CFAP107: variants seen among roughly 807,000 people sequenced by gnomAD.
The protein encoded by CFAP107 is cilia- and flagella-associated protein 107.
chr1:12,754,940 T>C, the CFAP107 span, among the ~76,000 whole-genome samples: 1 of 152,330 alleles, frequency 6.6e-6, no homozygotes, highest in Non-Finnish European at 1.5e-5. Flanking sequence ...ATGGTGGTGA[T>C]GATTGCACAA....
the CFAP107 span, chr1:12,746,532 G>A: frequency 1.9e-6 from 3 of 1,611,190 alleles, no homozygotes; most frequent in Non-Finnish European, 2.5e-6. Flanking sequence ...GGATGGAAGA[G>A]AGGAGAAAGG....
At chr1:12,761,078 G>A in the CFAP107 span, 1 of 898,800 alleles carries the variant, frequency 1.1e-6, no homozygotes, top group Non-Finnish European at 1.6e-6. Context: ...GGTGCTCTCA[G>A]AATCATCATC....
At chr1:12,760,800 A>G in the CFAP107 span, 30 of 1,614,082 alleles carry the variant, frequency 1.9e-5, 1 homozygote, top group South Asian at 3.1e-4. Flanking sequence ...CTCTATGAGC[A>G]GCTCAAGCAG....
At chr1:12,759,513 T>C in the CFAP107 span, 1 of 1,613,660 alleles carries the variant, frequency 6.2e-7, no homozygotes, top group Non-Finnish European at 8.5e-7. Flanking sequence ...AGGGTATTCC[T>C]CTGCGTTGGT....
At chr1:12,750,486 A>C in the CFAP107 span, among the ~76,000 whole-genome samples, 1 of 152,208 alleles carries the variant, frequency 6.6e-6, no homozygotes, top group Non-Finnish European at 1.5e-5. Flanking sequence ...CCTACAAGAG[A>C]GTGACTATAG....
At chr1:12,750,931 T>C in the CFAP107 span, among the ~76,000 whole-genome samples, 1 of 151,432 alleles carries the variant, frequency 6.6e-6, no homozygotes, top group Non-Finnish European at 1.5e-5. Flanking sequence ...ATTATAAAGA[T>C]TAAAATCATA....
At chr1:12,762,280 T>C in the CFAP107 span, 30 of 144,342 alleles carry the variant, frequency 2.1e-4, no homozygotes, top group South Asian at 4.6e-4. Flanking sequence ...AAGTCCTCTA[T>C]GTTTGTTGGA....
At chr1:12,750,591 G>A in the CFAP107 span, among the ~76,000 whole-genome samples, 3 of 152,238 alleles carry the variant, frequency 2.0e-5, no homozygotes, top group South Asian at 2.1e-4. Context: ...AGTATCAGAC[G>A]AAGTAGGCTT....
At chr1:12,753,500 G>T in the CFAP107 span, 4 of 152,222 alleles carry the variant, frequency 2.6e-5, no homozygotes, top group South Asian at 6.2e-4. Flanking sequence ...AAGACAGTGT[G>T]ATACTGGCAT....
At chr1:12,749,214 T>C in the CFAP107 span, among the ~76,000 whole-genome samples, 7 of 152,196 alleles carry the variant, frequency 4.6e-5, no homozygotes, top group African/African-American at 7.2e-5. Flanking sequence ...GAGACCCTCA[T>C]TGAAGCACTT....
the CFAP107 span, chr1:12,760,735 A>G: frequency 1.9e-6 from 3 of 1,595,222 alleles, no homozygotes; most frequent in South Asian, 3.4e-5. Flanking sequence ...TCCTTCTGTA[A>G]GCCCCATTCA....
chr1:12,760,765 T>C, the CFAP107 span: 6 of 1,612,184 alleles, frequency 3.7e-6, no homozygotes, highest in East Asian at 1.3e-4. Context: ...TGGTTTCTCT[T>C]GCAGCTCCCC....
the CFAP107 span, among the ~76,000 whole-genome samples, chr1:12,760,044 G>C: frequency 6.6e-6 from 1 of 152,096 alleles, no homozygotes; most frequent in Admixed American, 6.5e-5. Context: ...TTGGAAAAGT[G>C]AGGGGTGGTC....
the CFAP107 span, chr1:12,746,549 A>G: frequency 3.8e-6 from 6 of 1,597,496 alleles, no homozygotes; most frequent in East Asian, 1.3e-4. Flanking sequence ...AAGGTAAGGA[A>G]ACGAGAGAGG....
the CFAP107 span, among the ~76,000 whole-genome samples, chr1:12,748,536 C>G: frequency 1.3e-5 from 2 of 151,014 alleles, no homozygotes; most frequent in Non-Finnish European, 2.9e-5. Context: ...ATATTTTAAG[C>G]CTTCATGTTG....
At chr1:12,747,052 T>C in the CFAP107 span, among the ~76,000 whole-genome samples, 1 of 151,080 alleles carries the variant, frequency 6.6e-6, no homozygotes, top group Non-Finnish European at 1.5e-5. Flanking sequence ...CCTGCCCTAC[T>C]AATGCATTTC....
At chr1:12,750,044 G>C in the CFAP107 span, among the ~76,000 whole-genome samples, 19 of 152,266 alleles carry the variant, frequency 1.2e-4, no homozygotes, top group East Asian at 3.3e-3. Context: ...ATAAATCTAT[G>C]TAAATGAGTC....
At chr1:12,746,500 A>G in the CFAP107 span, 2 of 1,613,598 alleles carry the variant, frequency 1.2e-6, no homozygotes, top group African/African-American at 2.7e-5. Context: ...CAAGTATTCA[A>G]CGAAAGTGCT....
chr1:12,746,923 G>A, the CFAP107 span, among the ~76,000 whole-genome samples: 1 of 151,912 alleles, frequency 6.6e-6, no homozygotes, highest in Non-Finnish European at 1.5e-5. Flanking sequence ...TTAATTTGAA[G>A]AACATTTGCT....
Sources: gnomAD v4.1 joint callset for allele counts (sites outside exome capture counted in the v4.1 genomes callset) on GRCh38, gnomAD v4.1.1 for gene constraint, MANE v1.5 for transcripts, NCBI Gene and HGNC (gene_info 2026-07-23, HGNC 2026-07-21) for gene names.